Variants in TTC28 observed in about 807,000 individuals in gnomAD.
The protein encoded by TTC28 is tetratricopeptide repeat protein 28.
In TTC28, 61 loss-of-function variants were observed where a neutral mutation model predicts 198.0. The observed-to-expected ratio is 0.31, with a 90% CI of 0.25 to 0.38. The LOEUF (loss-of-function observed/expected upper bound fraction) is 0.38, where lower values mean the gene tolerates loss of function less well. Ranked by LOEUF, TTC28 falls within the 10% of genes least tolerant of loss-of-function variation. The pLI is 1.00. For synonymous variants in TTC28, 1,171 were observed against 1,297.8 expected (o/e 0.90, Z 2.10); for missense variants, 2,678 against 3,164.0 (o/e 0.85, Z 3.69).
chr22:28,232,460 C>T (rs950193160), intron 5 of TTC28, among the ~76,000 whole-genome samples: 2 of 152,122 alleles, frequency 1.3e-5, no homozygotes, highest in African/African-American at 4.8e-5. Context: ...ACAGAGAGAC[C>T]CTAGGTGGTC....
At chr22:28,636,864 A>G (rs1029811498) in intron 1 of TTC28, among the ~76,000 whole-genome samples, 14 of 151,766 alleles carry the variant, frequency 9.2e-5, no homozygotes, top group Non-Finnish European at 1.9e-4. Context: ...TTTGTGGAAA[A>G]ATTTTTAGTT....
chr22:28,197,288 AGAG>A (rs1925459899), intron 5 of TTC28, among the ~76,000 whole-genome samples: 1 of 137,154 alleles, frequency 7.3e-6, no homozygotes, highest in African/African-American at 2.6e-5. Context: ...GGGGGAGGGG[AGAG>A]GAGAGGGATA....
chr22:28,530,993 G>A (rs868153062), intron 2 of TTC28, among the ~76,000 whole-genome samples: 1 of 152,146 alleles, frequency 6.6e-6, no homozygotes, highest in East Asian at 1.9e-4. Flanking sequence ...GGAAGAAACT[G>A]CATCAACTAA....
intron 14 of TTC28, among the ~76,000 whole-genome samples, chr22:28,004,186 G>A (rs1265134215): frequency 6.6e-6 from 1 of 152,224 alleles, no homozygotes; most frequent in Non-Finnish European, 1.5e-5. Context: ...GCTGTTGCCA[G>A]GTGAGCACAA....
rs116019856 is a variant in TTC28 at position 27,992,878 on chromosome 22, G to A, written c.5477-215C>T. 1,842 of 595,992 alleles carry A rather than the reference G, an allele frequency of 3.1e-3. 23 individuals carry two copies. The highest frequency in any genetic ancestry group is 0.031 in the African/African-American group (1,659 of 53,728). The allele number at this position is 595,992 out of a possible 1,614,324, so 36.9% of individuals were successfully genotyped here. A position where few individuals can be genotyped will look rare whatever the true frequency, so the allele number is the denominator to read the frequency against. ...AAGTGGGTTGAGTCCTGACCCTGCC[G>A]CAGTCCTCTAGGCGTGGCCACACTC... On this transcript the variant is annotated intron_variant, in intron 18 of 22. Coordinates refer to ENST00000397906, the MANE Select transcript of TTC28 (RefSeq NM_001145418.2).
intron 5 of TTC28, among the ~76,000 whole-genome samples, chr22:28,192,044 G>T (rs561836752): frequency 1.3e-5 from 2 of 152,224 alleles, no homozygotes; most frequent in African/African-American, 4.8e-5. Context: ...CCCCCCAGTA[G>T]GGGCAGACTG....
chr22:28,222,011 C>T (rs1011057468), intron 5 of TTC28, among the ~76,000 whole-genome samples: 9 of 152,200 alleles, frequency 5.9e-5, no homozygotes, highest in African/African-American at 1.9e-4. Context: ...TAACGCTTTA[C>T]TGATCTTGCC....
At chr22:28,341,395 T>G (rs1382539242) in intron 2 of TTC28, among the ~76,000 whole-genome samples, 1 of 152,218 alleles carries the variant, frequency 6.6e-6, no homozygotes, top group African/African-American at 2.4e-5. Context: ...GTAATGCCTG[T>G]AATCCCAACA....
intron 12 of TTC28, among the ~76,000 whole-genome samples, chr22:28,032,243 TATATAAAATATATATATATATATA>T (rs1484363469): frequency 1.9e-4 from 22 of 117,628 alleles, no homozygotes; most frequent in African/African-American, 5.8e-4. Flanking sequence ...AAAATATATA[TATATAAAATATATATATATATATA>T]GTGTGTGTGT....
intron 5 of TTC28, among the ~76,000 whole-genome samples, chr22:28,215,691 G>A (rs1027159258): frequency 3.9e-5 from 6 of 152,070 alleles, no homozygotes; most frequent in Non-Finnish European, 5.9e-5. Flanking sequence ...TGTTGAATCA[G>A]AAGACTAGGA....
At chr22:28,363,260 C>T (rs1275920121) in intron 2 of TTC28, among the ~76,000 whole-genome samples, 2 of 152,128 alleles carry the variant, frequency 1.3e-5, no homozygotes, top group African/African-American at 4.8e-5. Context: ...CTAAAAGGGG[C>T]CAGAGTACAG....
At chr22:28,672,642 T>G (rs1020786271) in intron 1 of TTC28, among the ~76,000 whole-genome samples, 4 of 152,182 alleles carry the variant, frequency 2.6e-5, no homozygotes, top group Non-Finnish European at 2.9e-5. Context: ...TTCTTGCTGT[T>G]GAGAAAGAGA....
At chr22:28,161,559 T>C (rs1352483342) in intron 6 of TTC28, among the ~76,000 whole-genome samples, 1 of 151,616 alleles carries the variant, frequency 6.6e-6, no homozygotes, top group Admixed American at 6.6e-5. Flanking sequence ...GAGGCTGAGG[T>C]GGGAGGATCA....
At chr22:28,172,190 C>A (rs1186384670) in intron 5 of TTC28, among the ~76,000 whole-genome samples, 4 of 152,112 alleles carry the variant, frequency 2.6e-5, no homozygotes. Context: ...GAATCAGATA[C>A]ACTTTGTTCA....
chr22:28,279,489 G>A (rs1049324702), intron 5 of TTC28, among the ~76,000 whole-genome samples: 1 of 152,056 alleles, frequency 6.6e-6, no homozygotes, highest in African/African-American at 2.4e-5. Context: ...TCCTGCCACA[G>A]CCTCCTTTGT....
chr22:27,991,629 CT>C (rs1937411896), intron 19 of TTC28, among the ~76,000 whole-genome samples: 1 of 152,186 alleles, frequency 6.6e-6, no homozygotes, highest in Non-Finnish European at 1.5e-5. Context: ...ACATATATTA[CT>C]TTTTCAAATT....
chr22:28,021,355 T>C (rs1028610829), intron 13 of TTC28, among the ~76,000 whole-genome samples: 2 of 152,114 alleles, frequency 1.3e-5, no homozygotes, highest in Non-Finnish European at 2.9e-5. Flanking sequence ...AGGCAGCCAC[T>C]ACCGTGGGGC....
At chr22:28,033,843 C>A in intron 12 of TTC28, among the ~76,000 whole-genome samples, 1 of 152,172 alleles carries the variant, frequency 6.6e-6, no homozygotes, top group East Asian at 1.9e-4. Context: ...CAGTACATCC[C>A]AGACACTCAG....
At chr22:28,672,175 T>C (rs980816102) in intron 1 of TTC28, among the ~76,000 whole-genome samples, 9 of 151,896 alleles carry the variant, frequency 5.9e-5, no homozygotes, top group African/African-American at 2.2e-4. Context: ...TATAGGCTAA[T>C]TTTTTGGGTT....
Sources: allele counts gnomAD v4.1 joint callset (sites outside exome capture counted in the v4.1 genomes callset), GRCh38; gene constraint gnomAD v4.1.1; transcripts MANE v1.5; gene names NCBI Gene and HGNC (gene_info 2026-07-23, HGNC 2026-07-21).